RESF1: variants seen among roughly 807,000 people sequenced by gnomAD.
RESF1 encodes the protein gonad expressed transcript.
A neutral mutation model predicts 134.7 loss-of-function variants in RESF1; 65 were observed. The ratio of observed to expected loss-of-function variants is 0.48; its 90% CI spans 0.40 to 0.59. The LOEUF (loss-of-function observed/expected upper bound fraction) is 0.59, where lower values mean the gene tolerates loss of function less well. Among genes scored for constraint, RESF1 ranks in the 20% least tolerant of loss-of-function variants. The pLI is 0.00. For synonymous variants in RESF1, 762 were observed against 702.2 expected (o/e 1.09, Z -1.35); for missense variants, 2,274 against 2,002.7 (o/e 1.14, Z -2.59).
intron 3 of RESF1, among the ~76,000 whole-genome samples, chr12:31,972,402 C>G (rs1460820804): frequency 1.3e-5 from 2 of 151,774 alleles, no homozygotes; most frequent in African/African-American, 4.8e-5. Flanking sequence ...GTCAGGAGAT[C>G]GAGACCATCC....
At position 31,982,209 on chromosome 12, in the gene RESF1, A is replaced by G. The variant is rs774746376; in HGVS notation, c.1254A>G (p.Lys418=). Residue 418 remains lysine (K), a synonymous_variant, in exon 4 of 6, where the codon AAA becomes AAG. Coordinates refer to ENST00000312561, the MANE Select transcript of RESF1 (RefSeq NM_018169.4). ...TTGCAAGGAAAATTAAAATCAATAA[A>G]GATCTTTTGATGGCAGCAGGTTGTA... ...SELARKIKIN[K]DLLMAAGCIK... 6.2e-6 allele frequency: 10 copies of G among 1,612,020 alleles called. No homozygotes were observed. Among genetic ancestry groups the G allele is most frequent in the African/African-American group, 2.7e-5 (2 of 74,744 alleles).
At position 31,984,197 on chromosome 12, in the gene RESF1, C is replaced by T. The variant is rs767300598; in HGVS notation, c.3242C>T (p.Thr1081Ile). 2 of 1,613,804 alleles carry T rather than the reference C, an allele frequency of 1.2e-6. No individual in the cohort carries two copies. Among genetic ancestry groups the T allele is most frequent in the African/African-American group, 1.3e-5 (1 of 75,044 alleles). The stretch of plus-strand genomic sequence containing the variant: ...GAAGGTTCTGTGGGCCAGCAAACTA[C>T]ATACCAGACCTCAGAAGATCAAACT... The part of the protein sequence containing the change: ...TREGSVGQQT[T>I]YQTSEDQTAD... Residue 1081 changes from threonine (T) to isoleucine (I), a missense_variant, in exon 4 of 6, where the codon ACA becomes ATA. Thr to Ile is a moderately conservative substitution (Grantham distance 89). Transcript: ENST00000312561.
At chr12:31,963,105 C>CCTGT (rs1939317354) in intron 2 of RESF1, among the ~76,000 whole-genome samples, 1 of 152,050 alleles carries the variant, frequency 6.6e-6, no homozygotes, top group South Asian at 2.1e-4. Context: ...GTGGCTCACG[C>CCTGT]CTGTAATCCC....
rs185765045 is a variant in RESF1 at position 31,969,928 on chromosome 12, A to G, written c.-246-261A>G. Among the ~76,000 whole-genome samples the G allele has an allele frequency of 2.2e-4, 34 of 152,196 alleles. No individual in the cohort carries two copies. In the East Asian group the frequency reaches 2.7e-3, roughly 12 times the overall value. ...CTTATACTTCTTTCTATTCATGTGT[A>G]TGTGTGCTTGTGCATGTGTGTTTAA... is the stretch of plus-strand genomic sequence containing the variant. On this transcript the variant is annotated intron_variant, in intron 2 of 5. Coordinates refer to ENST00000312561, the MANE Select transcript of RESF1 (RefSeq NM_018169.4).
chr12:31,990,857 T>C (rs6488022), intron 5 of RESF1, among the ~76,000 whole-genome samples: 14,232 of 152,098 alleles, frequency 0.094, 764 homozygotes, highest in Non-Finnish European at 0.13. Context: ...GTGAACCAAC[T>C]ATGAAGTGAG....
At position 31,985,512 on chromosome 12, in the gene RESF1, C is replaced by G; in HGVS notation, c.4557C>G (p.Leu1519=). 1 of 1,602,750 alleles carries G rather than the reference C, an allele frequency of 6.2e-7. No homozygotes were observed. Among genetic ancestry groups the G allele is most frequent in the Non-Finnish European group, 8.5e-7 (1 of 1,176,890 alleles). ...LNGLTSHGKN[L]KIHHSQESKT... is the part of the protein sequence containing the mutation. The stretch of plus-strand genomic sequence containing the variant: ...GCTTGACAAGCCATGGTAAAAACCT[C>G]AAAATCCACCATTCTCAGGAGTCTA... The change falls in exon 4 of 6, where the codon CTC becomes CTG. Residue 1519 remains leucine, a synonymous_variant. Transcript: ENST00000312561.
At chr12:31,989,699 A>G (rs931574772) in intron 5 of RESF1, among the ~76,000 whole-genome samples, 1 of 152,154 alleles carries the variant, frequency 6.6e-6, no homozygotes, top group African/African-American at 2.4e-5. Flanking sequence ...TAAAAATATA[A>G]AAATTAGTCA....
rs757959750 is a variant in RESF1 at position 31,984,086 on chromosome 12, A to G, written c.3131A>G (p.Asp1044Gly). The G allele has an allele frequency of 3.1e-6, 5 of 1,614,004 alleles. No individual in the cohort carries two copies. In the Admixed American group the frequency reaches 8.3e-5, roughly 27 times the overall value. ...CCTGCAAGAAATGAAATCCACAGTGATAAGGCACCTGTCTTATACCTACAT... is the reference window on the plus strand; with the variant it reads ...CCTGCAAGAAATGAAATCCACAGTGGTAAGGCACCTGTCTTATACCTACAT... ...QDPARNEIHS[D>G]KAPVLYLHDQ... The change falls in exon 4 of 6, where the codon GAT becomes GGT. Residue 1044 changes from aspartate (D) to glycine (G), a missense_variant. Asp to Gly is a moderately conservative substitution (Grantham distance 94, BLOSUM62 -1). Coordinates refer to ENST00000312561, the MANE Select transcript of RESF1 (RefSeq NM_018169.4).
At chr12:31,989,551 C>T (rs773730027) in intron 5 of RESF1, among the ~76,000 whole-genome samples, 6 of 151,162 alleles carry the variant, frequency 4.0e-5, no homozygotes, top group Admixed American at 2.0e-4. Flanking sequence ...TAGAAGCAGG[C>T]GTGTAAAAAT....
chr12:31,981,273 C>G lies in RESF1; in HGVS notation c.318C>G (p.His106Gln), dbSNP rs2388981. The part of the protein sequence containing the change: ...ANVNGPKQLT[H>Q]NLQMSSGVTQ... ...TTAATGGACCCAAACAACTAACTCA[C>G]AATTTGCAGATGTCTTCAGGAGTTA... The change falls in exon 4 of 6, where the codon CAC (histidine) becomes CAG (glutamine). Residue 106 changes from histidine to glutamine, a missense_variant. Transcript: ENST00000312561. 1 of 1,613,988 alleles carries G rather than the reference C, an allele frequency of 6.2e-7. No individual in the cohort carries two copies. The highest frequency in any genetic ancestry group is 8.5e-7 in the Non-Finnish European group (1 of 1,179,962).
Position 31,985,638 on chromosome 12 carries a change from A to G in RESF1, c.4683A>G (p.Ile1561Met). ...CTAAATTAGACAAATTAACCAATATAAGCAACGAAGCTCAATTCAGCCAAA... is the reference window on the plus strand; with the variant it reads ...CTAAATTAGACAAATTAACCAATATGAGCAACGAAGCTCAATTCAGCCAAA... ...DKTKLDKLTN[I>M]SNEAQFSQMP... Residue 1561 changes from isoleucine (I) to methionine (M), a missense_variant, in exon 4 of 6, where the codon ATA (isoleucine) becomes ATG (methionine). By Grantham distance (10) the Ile-to-Met change is conservative (BLOSUM62 1). Transcript: ENST00000312561. 6.2e-7 allele frequency: 1 copy of G among 1,612,222 alleles called. No individual in the cohort carries two copies. Among genetic ancestry groups the G allele is most frequent in the Non-Finnish European group, 8.5e-7 (1 of 1,179,556 alleles).
Position 31,992,542 on chromosome 12 carries a change from G to A in RESF1, c.*7G>A. The A allele has an allele frequency of 1.9e-6, 3 of 1,611,050 alleles. No homozygotes were observed. Among genetic ancestry groups the A allele is most frequent in the Non-Finnish European group, 2.5e-6 (3 of 1,178,900 alleles). ...TAGCAGTCCTGTAAAATAATTACAA[G>A]ATGTGGTTTTGTAATTGCCACTGGG... is the stretch of plus-strand genomic sequence containing the variant. On this transcript the variant is annotated 3_prime_UTR_variant, in exon 6 of 6. Transcript: ENST00000312561.
At chr12:31,973,869 G>A (rs1939570178) in intron 3 of RESF1, among the ~76,000 whole-genome samples, 1 of 151,986 alleles carries the variant, frequency 6.6e-6, no homozygotes, top group Non-Finnish European at 1.5e-5. Flanking sequence ...ACAACAACTG[G>A]GTGTCCTACA....
At position 31,960,773 on chromosome 12, in the gene RESF1, C is replaced by T. The variant is rs1041474216; in HGVS notation, c.-341-4C>T. 6.6e-6 allele frequency: 1 copy of T among 152,282 alleles called. No homozygotes were observed. The highest frequency in any genetic ancestry group is 3.4e-3 in the Middle Eastern group (1 of 294). 9.4% of individuals were successfully genotyped at this position (152,282 alleles called of 1,614,324 possible). A position where few individuals can be genotyped will look rare whatever the true frequency, so the allele number is the denominator to read the frequency against. ...TATTATAAAATGTTTCTTGCTGTCC[C>T]TAGGACCAAAGAAGTAAACACTGTG... is the stretch of plus-strand genomic sequence containing the variant. On this transcript the variant is annotated splice_region_variant and splice_polypyrimidine_tract_variant and intron_variant, in intron 1 of 5. Transcript: ENST00000312561.
At chr12:31,959,721 G>GC (rs1939209392) in intron 1 of RESF1, 1 of 151,276 alleles carries the variant, frequency 6.6e-6, no homozygotes, top group Non-Finnish European at 1.5e-5. Context: ...GGGCCGCCGC[G>GC]CTTGCTTCTG....
rs189979424 is a variant in RESF1 at position 31,964,046 on chromosome 12, G to T, written c.-247+3175G>T. 2.6e-5 allele frequency among the ~76,000 whole-genome samples: 4 copies of T among 152,276 alleles called. No homozygotes were observed. The East Asian group carries it at 7.7e-4, about 29-fold the overall frequency. Reference sequence around the variant, plus strand: ...TTTATTTCTTTTGGGTAAATACCTAGGAGTGGAATTCCTTGGTTATGATAA... The same window carrying T: ...TTTATTTCTTTTGGGTAAATACCTATGAGTGGAATTCCTTGGTTATGATAA... On this transcript the variant is annotated intron_variant, in intron 2 of 5. Transcript: ENST00000312561.
At chr12:31,969,074 G>A (rs1319051359) in intron 2 of RESF1, among the ~76,000 whole-genome samples, 1 of 152,156 alleles carries the variant, frequency 6.6e-6, no homozygotes, top group Non-Finnish European at 1.5e-5. Context: ...CCAAGTAGCT[G>A]GGAATATAGG....
At chr12:31,974,676 T>C (rs940959405) in intron 3 of RESF1, among the ~76,000 whole-genome samples, 7 of 152,134 alleles carry the variant, frequency 4.6e-5, no homozygotes, top group Non-Finnish European at 7.4e-5. Context: ...CTTTCACTTA[T>C]GAATTTTGGG....
intron 3 of RESF1, among the ~76,000 whole-genome samples, chr12:31,972,133 C>T (rs978329151): frequency 2.6e-5 from 4 of 152,178 alleles, no homozygotes; most frequent in Non-Finnish European, 5.9e-5. Context: ...CCTTCTACAT[C>T]TCTTGAACTG....
Sources: allele counts gnomAD v4.1 joint callset (sites outside exome capture counted in the v4.1 genomes callset), GRCh38; gene constraint gnomAD v4.1.1; transcripts MANE v1.5; gene names NCBI Gene and HGNC (gene_info 2026-07-23, HGNC 2026-07-21).